ANKIB1: variants seen among roughly 807,000 people sequenced by gnomAD.
The protein encoded by ANKIB1 is ankyrin repeat and IBR domain containing 1.
A neutral mutation model predicts 122.1 loss-of-function variants in ANKIB1; 43 were observed. That is an observed-to-expected ratio of 0.35 (90% confidence interval 0.28 to 0.45). The LOEUF (loss-of-function observed/expected upper bound fraction) is 0.45. Among genes scored for constraint, ANKIB1 ranks in the 20% least tolerant of loss-of-function variants. The pLI is 1.00. For missense variants in ANKIB1, 992 were observed against 1,329.5 expected, an observed-to-expected ratio of 0.75 and a Z score of 3.95; for synonymous variants, 390 against 442.0, an observed-to-expected ratio of 0.88 and a Z score of 1.48.
chr7:92,343,703 T>C (rs983581643), intron 6 of ANKIB1, among the ~76,000 whole-genome samples: 8 of 152,146 alleles, frequency 5.3e-5, no homozygotes, highest in Non-Finnish European at 1.0e-4. Flanking sequence ...TATTGAAATA[T>C]AAAAAGATAA....
intron 11 of ANKIB1, among the ~76,000 whole-genome samples, chr7:92,376,452 A>ATTT (rs548431066): frequency 7.6e-4 from 103 of 135,882 alleles, no homozygotes; most frequent in East Asian, 6.5e-3. Flanking sequence ...TTTATTTTTT[A>ATTT]TTTTTTTTTT....
chr7:92,393,952 T>C (rs1257418262), intron 17 of ANKIB1, among the ~76,000 whole-genome samples: 2 of 152,196 alleles, frequency 1.3e-5, no homozygotes, highest in Admixed American at 6.5e-5. Context: ...ATTGAACTTA[T>C]ATTTTTTTCA....
At chr7:92,315,291 A>C (rs921819220) in intron 3 of ANKIB1, among the ~76,000 whole-genome samples, 10 of 152,212 alleles carry the variant, frequency 6.6e-5, no homozygotes, top group African/African-American at 2.4e-4. Flanking sequence ...AAGGCTAGAT[A>C]TTGACATCCT....
chr7:92,318,341 C>T (rs1305250897), intron 3 of ANKIB1, among the ~76,000 whole-genome samples: 1 of 152,028 alleles, frequency 6.6e-6, no homozygotes, highest in Non-Finnish European at 1.5e-5. Context: ...CATAGTGAAA[C>T]CTCATCTCTA....
intron 5 of ANKIB1, among the ~76,000 whole-genome samples, chr7:92,337,500 T>C (rs1235350175): frequency 6.6e-6 from 1 of 152,204 alleles, no homozygotes; most frequent in Non-Finnish European, 1.5e-5. Flanking sequence ...TAAATTTCTT[T>C]CCTAATGTTC....
At chr7:92,257,270 G>A (rs1451625793) in intron 1 of ANKIB1, among the ~76,000 whole-genome samples, 1 of 152,122 alleles carries the variant, frequency 6.6e-6, no homozygotes, top group East Asian at 1.9e-4. Flanking sequence ...GAACAGTCTT[G>A]AGATTAGTTT....
chr7:92,342,318 G>T (rs1803456635), intron 5 of ANKIB1, among the ~76,000 whole-genome samples: 1 of 152,126 alleles, frequency 6.6e-6, no homozygotes, highest in Admixed American at 6.5e-5. Context: ...ATGAAATTAT[G>T]TAAAACACCT....
chr7:92,297,684 C>G (rs959510306), intron 2 of ANKIB1, among the ~76,000 whole-genome samples: 1 of 151,640 alleles, frequency 6.6e-6, no homozygotes, highest in Non-Finnish European at 1.5e-5. Flanking sequence ...TTTTACAAGT[C>G]TCTTCTTATA....
At chr7:92,347,729 G>T (rs575072176) in intron 7 of ANKIB1, among the ~76,000 whole-genome samples, 2 of 152,264 alleles carry the variant, frequency 1.3e-5, no homozygotes, top group South Asian at 4.2e-4. Context: ...AGGTCACTGG[G>T]CTGTGAATTC....
intron 19 of ANKIB1, 33 bp from the exon 20 acceptor site, chr7:92,398,171 TCAGTCAAA>T (rs1448007026): frequency 6.6e-7 from 1 of 1,525,816 alleles, no homozygotes; most frequent in Admixed American, 2.3e-5. Context: ...TCAGTTTTTT[TCAGTCAAA>T]TTTTAAAGTG....
At chr7:92,294,735 T>C (rs1436021299) in intron 1 of ANKIB1, among the ~76,000 whole-genome samples, 154 bp from the exon 2 acceptor site, 1 of 152,150 alleles carries the variant, frequency 6.6e-6, no homozygotes, top group Middle Eastern at 3.2e-3. Flanking sequence ...AAATTTGAGA[T>C]TTTTTTGGCT....
rs375685541 is a variant in ANKIB1, at chr7:92,357,069, G to A, written c.1397+4427G>A. Among the ~76,000 whole-genome samples the A allele has an allele frequency of 2.6e-5, 4 of 152,308 alleles. 1 individual carries two copies. ...TCAAGTAATAAATTTTAAAACTTCA[G>A]TGGAAGGTTTTTTCCTTTTCCAGAG... On this transcript the variant is annotated intron_variant, in intron 9 of 19. Transcript: ENST00000265742.
chr7:92,355,691 T>C (rs558753923), intron 9 of ANKIB1, among the ~76,000 whole-genome samples: 47 of 151,586 alleles, frequency 3.1e-4, no homozygotes, highest in African/African-American at 9.9e-4. Context: ...CTACTAAAAA[T>C]ACAAAAAATT....
rs1803366020 is a variant in ANKIB1, at chr7:92,338,936, ATATATAT to A, written c.788-4087_788-4081del. On this transcript the variant is annotated intron_variant, in intron 5 of 19. Coordinates refer to ENST00000265742, the MANE Select transcript of ANKIB1 (RefSeq NM_019004.2). ...CAAAAAAAAAAAAAAAAAAAAAAAT[ATATATAT>A]ATATATATATATATATATATATATA... 3.0e-3 allele frequency among the ~76,000 whole-genome samples: 67 copies of A among 22,442 alleles called. 1 individual carries two copies. Among genetic ancestry groups the A allele is most frequent in the Non-Finnish European group, 4.7e-3 (54 of 11,424 alleles). 14.7% of individuals were successfully genotyped at this position (22,442 alleles called of 152,430 possible). A position where few individuals can be genotyped will look rare whatever the true frequency, so the allele number is the denominator to read the frequency against.
chr7:92,386,687 A>T (rs371188629), intron 12 of ANKIB1, 44 bp downstream of exon 12: 104 of 1,454,174 alleles, frequency 7.2e-5, no homozygotes, highest in Admixed American at 3.8e-4. Flanking sequence ...TAAACCGCTC[A>T]CTGCCACTGG....
chr7:92,348,183 A>G (rs1230291338), intron 7 of ANKIB1, among the ~76,000 whole-genome samples: 1 of 152,182 alleles, frequency 6.6e-6, no homozygotes, highest in Non-Finnish European at 1.5e-5. Flanking sequence ...TTCCCCAGAG[A>G]TGATTAAATC....
chr7:92,391,201 G>A lies in ANKIB1; in HGVS notation c.2088G>A (p.Gln696=), dbSNP rs79306962. Residue 696 remains glutamine, a synonymous_variant, in exon 16 of 20, where the codon CAG becomes CAA. Transcript: ENST00000265742. ...AAATGGTCACTGAAGACCTTGCCCA[G>A]AAAGTCAATAGGCCTTACCTTCGCA... is the stretch of plus-strand genomic sequence containing the variant. ...DLEMVTEDLA[Q]KVNRPYLRTP... 4,234 of 1,612,050 alleles carry A rather than the reference G, an allele frequency of 2.6e-3. 77 individuals carry two copies. In the South Asian group the frequency reaches 0.027, roughly 10 times the overall value.
At chr7:92,275,912 G>A (rs1332164970) in intron 1 of ANKIB1, among the ~76,000 whole-genome samples, 1 of 152,048 alleles carries the variant, frequency 6.6e-6, no homozygotes, top group Non-Finnish European at 1.5e-5. Context: ...GTTATCCTAG[G>A]ATAATATCTA....
chr7:92,289,744 A>G (rs1189232763), intron 1 of ANKIB1, among the ~76,000 whole-genome samples: 1 of 152,218 alleles, frequency 6.6e-6, no homozygotes, highest in Non-Finnish European at 1.5e-5. Context: ...GAACAGGTTG[A>G]GAGCTTAGTA....
Sources: allele counts gnomAD v4.1 joint callset (sites outside exome capture counted in the v4.1 genomes callset), GRCh38; gene constraint gnomAD v4.1.1; transcripts MANE v1.5; gene names NCBI Gene and HGNC (gene_info 2026-07-23, HGNC 2026-07-21).